The following DLG3 variants were observed in gnomAD, a reference collection of about 807,000 sequenced individuals.
The protein encoded by DLG3 is disks large homolog 3.
Under a neutral mutation model 64.1 loss-of-function variants are expected in DLG3, and 1 was observed. The ratio of observed to expected loss-of-function variants is 0.02; its 90% CI spans 0.01 to 0.07. The LOEUF (loss-of-function observed/expected upper bound fraction) is 0.07, where lower values mean the gene tolerates loss of function less well. Ranked by LOEUF, DLG3 falls within the 10% of genes least tolerant of loss-of-function variation. DLG3 has a pLI of 1.00. For missense variants in DLG3, 429 were observed against 669.5 expected (o/e 0.64, Z 3.96); for synonymous variants, 245 against 259.8 (o/e 0.94, Z 0.55).
chrX:70,448,738 T>C, intron 1 of DLG3, 175 bp from the exon 2 acceptor site: 1 of 977,751 alleles, frequency 1.0e-6, no homozygotes, highest in East Asian at 3.3e-5. Flanking sequence ...ATTGGTGGGG[T>C]GAGTGAGGAG....
chrX:70,450,980 C>T (rs1229555110), intron 6 of DLG3, 197 bp downstream of exon 6: 14 of 491,558 alleles, frequency 2.8e-5, no homozygotes, highest in Non-Finnish European at 4.1e-5. Context: ...TGAAGACTTG[C>T]CATAGAGTCA....
chrX:70,494,940 C>T (rs756773729), intron 12 of DLG3, among the ~76,000 whole-genome samples: 1 of 112,424 alleles, frequency 8.9e-6, no homozygotes, highest in Non-Finnish European at 1.9e-5. Flanking sequence ...ACCTGGCACA[C>T]GCGGACATTT....
intron 7 of DLG3, chrX:70,453,409 T>C (rs937089864): frequency 2.4e-5 from 10 of 421,705 alleles, no homozygotes; most frequent in Admixed American, 1.7e-4. Context: ...CACTGGGAAG[T>C]TGACTGCAAG....
At chrX:70,475,096 T>G (rs1243496141) in intron 9 of DLG3, among the ~76,000 whole-genome samples, 1 of 110,509 alleles carries the variant, frequency 9.0e-6, no homozygotes, top group African/African-American at 3.3e-5. Context: ...TTTGGGAGGC[T>G]GAGGCAGGTG....
At chrX:70,489,757 G>A (rs2087323731) in intron 10 of DLG3, among the ~76,000 whole-genome samples, 1 of 112,092 alleles carries the variant, frequency 8.9e-6, no homozygotes, top group South Asian at 3.7e-4. Flanking sequence ...GCATGGTTCT[G>A]GGAAGTGCTA....
At chrX:70,475,767 T>C (rs2087044403) in intron 9 of DLG3, among the ~76,000 whole-genome samples, 1 of 112,396 alleles carries the variant, frequency 8.9e-6, no homozygotes, top group African/African-American at 3.2e-5. Context: ...GGAGAAGTGA[T>C]ACAGAATTTT....
chrX:70,471,478 C>G (rs1469929117), intron 9 of DLG3, among the ~76,000 whole-genome samples: 1 of 110,043 alleles, frequency 9.1e-6, no homozygotes, highest in Non-Finnish European at 1.9e-5. Flanking sequence ...TACAGGCGCC[C>G]GCCACCACGC....
At chrX:70,494,736 G>C (rs920028589) in intron 12 of DLG3, among the ~76,000 whole-genome samples, 1 of 112,383 alleles carries the variant, frequency 8.9e-6, no homozygotes, top group African/African-American at 3.2e-5. Context: ...GGGCGAGGGG[G>C]TATCTACTGG....
intron 9 of DLG3, among the ~76,000 whole-genome samples, chrX:70,464,277 CTCTTTTCTTTT>C: frequency 1.0e-5 from 1 of 99,176 alleles, no homozygotes; most frequent in East Asian, 3.2e-4. Context: ...TCTTTCCTTT[CTCTTTTCTTTT>C]GTCTCACTTT....
Position 70,495,415 on chromosome X carries a change from C to T in DLG3, c.1781C>T (p.Pro594Leu), listed in dbSNP as rs144335681. ...TGCTGTCTGTGAAATCAGGACTTCC[C>T]GGGGTTAAGTGACGATTATTATGGA... ...TGMIESNRDFPGLSDDYYGAK... is the reference protein window; with the variant it reads ...TGMIESNRDFLGLSDDYYGAK... Residue 594 changes from proline to leucine, a missense_variant, in exon 13 of 19, where the codon CCG becomes CTG. This residue lies in a region of DLG3 where 46 missense variants were observed against 64.4 expected (regional missense o/e 0.71). Transcript: ENST00000374360. The T allele has an allele frequency of 3.5e-4, 425 of 1,208,244 alleles. 1 individual carries two copies. The African/African-American group carries it at 5.0e-3, about 14-fold the overall frequency.
chrX:70,489,381 C>G, intron 10 of DLG3, among the ~76,000 whole-genome samples: 1 of 111,877 alleles, frequency 8.9e-6, no homozygotes, highest in Non-Finnish European at 1.9e-5. Context: ...TGGCTCATTG[C>G]AACCTCTGCC....
chrX:70,449,265 A>C, intron 2 of DLG3, 94 bp from the exon 3 acceptor site: 2 of 1,144,847 alleles, frequency 1.7e-6, no homozygotes, highest in Non-Finnish European at 2.4e-6. Flanking sequence ...GGCCTGGAGA[A>C]CTAGCTCTGG....
intron 6 of DLG3, chrX:70,451,088 C>G: frequency 6.0e-6 from 2 of 334,562 alleles, no homozygotes; most frequent in Non-Finnish European, 1.0e-5. Context: ...GTCCAGATCC[C>G]AGTTCTGTCT....
At chrX:70,479,106 T>C (rs778201169) in intron 9 of DLG3, 44 bp from the exon 10 acceptor site, 2 of 1,140,079 alleles carry the variant, frequency 1.8e-6, no homozygotes, top group East Asian at 3.0e-5. Context: ...GAGGCGCTCC[T>C]TGAGTTCATT....
rs1328690952 is a variant in DLG3, at chrX:70,452,720, GCCGCTCCGCT to G, written c.1145+697_1145+706del. On this transcript the variant is annotated intron_variant, in intron 7 of 18. Coordinates refer to ENST00000374360, the MANE Select transcript of DLG3 (RefSeq NM_021120.4). ...GGAGGGCTTCGCAGAGGTGGGCCTGGCCGCTCCGCTCCCTGCGGCCCGGAGGGGATGCCAG... is the reference window on the plus strand; with the variant it reads ...GGAGGGCTTCGCAGAGGTGGGCCTGGCCCTGCGGCCCGGAGGGGATGCCAG... 1 of 1,197,948 alleles carries G rather than the reference GCCGCTCCGCT, an allele frequency of 8.3e-7. No individual in the cohort carries two copies. The highest frequency in any genetic ancestry group is 1.8e-5 in the African/African-American group (1 of 56,920).
chrX:70,501,131 T>C, intron 18 of DLG3, 142 bp downstream of exon 18: 1 of 501,340 alleles, frequency 2.0e-6, no homozygotes, highest in Non-Finnish European at 3.5e-6. Flanking sequence ...GCACAAACCT[T>C]TCCAAAGCAC....
At chrX:70,455,903 G>C (rs899630508) in intron 9 of DLG3, 2 of 111,282 alleles carry the variant, frequency 1.8e-5, no homozygotes, top group African/African-American at 6.6e-5. Flanking sequence ...GGGAGAGGCT[G>C]GGAGCCCCGT....
intron 1 of DLG3, chrX:70,448,573 C>G (rs1305758717): frequency 8.6e-7 from 1 of 1,162,216 alleles, no homozygotes; most frequent in Non-Finnish European, 1.1e-6. Context: ...TCTGCCATCC[C>G]CCTTAGGCCA....
chrX:70,487,310 G>A (rs1230852983), intron 10 of DLG3, among the ~76,000 whole-genome samples: 1 of 111,971 alleles, frequency 8.9e-6, no homozygotes, highest in Non-Finnish European at 1.9e-5. Context: ...AGACTTGGAT[G>A]CACGGCTGAT....
Sources: gnomAD v4.1 joint callset for allele counts (sites outside exome capture counted in the v4.1 genomes callset) on GRCh38, gnomAD v4.1.1 for gene constraint, gnomAD v4.1.1 regional missense constraint, MANE v1.5 for transcripts, NCBI Gene and HGNC (gene_info 2026-07-23, HGNC 2026-07-21) for gene names.